Variants in WDR11 observed in about 807,000 individuals in gnomAD.
WDR11 encodes the protein WD repeat-containing protein 11.
Under a neutral mutation model 151.2 loss-of-function variants are expected in WDR11, and 83 were observed. The observed-to-expected ratio is 0.55, with a 90% confidence interval of 0.46 to 0.66. WDR11 has a LOEUF of 0.66. Among genes scored for constraint, WDR11 ranks in the 30% least tolerant of loss-of-function variants. WDR11 has a pLI of 0.00. For synonymous variants in WDR11, 484 were observed against 533.1 expected (o/e 0.91, Z 1.27); for missense variants, 1,301 against 1,480.9 (o/e 0.88, Z 1.99).
Position 120,859,214 on chromosome 10 carries a change from CTTGT to C in WDR11, c.352+424_352+427del, listed in dbSNP as rs1846047931. Among the ~76,000 whole-genome samples the C allele has an allele frequency of 2.7e-5, 4 of 150,236 alleles. No homozygotes were observed. The South Asian group carries it at 8.4e-4, about 32-fold the overall frequency. ...TTTATTCTCATTTTCATATAGATTG[CTTGT>C]TTGTTCGTTTCATGTTACTGACCTA... On this transcript the variant is annotated intron_variant, in intron 3 of 28. Coordinates refer to ENST00000263461, the MANE Select transcript of WDR11 (RefSeq NM_018117.12).
intron 1 of WDR11, chr10:120,851,859 T>G: frequency 2.6e-6 from 1 of 386,122 alleles, no homozygotes; most frequent in Non-Finnish European, 4.8e-6. Context: ...CTCTTTCCCA[T>G]CCTGTCTTTT....
At chr10:120,863,021 T>C (rs1031040590) in intron 5 of WDR11, 100 bp downstream of exon 5, 4 of 817,724 alleles carry the variant, frequency 4.9e-6, no homozygotes, top group Non-Finnish European at 8.0e-6. Flanking sequence ...CATCTCACTT[T>C]TTCTCATTTC....
At position 120,901,109 on chromosome 10, in the gene WDR11, C is replaced by T; in HGVS notation, c.2687+11C>T. 6.3e-7 allele frequency: 1 copy of T among 1,592,684 alleles called. No individual in the cohort carries two copies. The highest frequency in any genetic ancestry group is 2.2e-5 in the East Asian group (1 of 44,662). On this transcript the variant is annotated intron_variant, in intron 21 of 28. Transcript: ENST00000263461. Reference sequence around the variant, plus strand: ...GAATTCATTGTCTAAGTAAGCACTCCATGTTTCATTAGAAGATAGGAATAT... The same window carrying T: ...GAATTCATTGTCTAAGTAAGCACTCTATGTTTCATTAGAAGATAGGAATAT...
At chr10:120,853,587 A>T (rs1483716952) in intron 2 of WDR11, among the ~76,000 whole-genome samples, 1 of 152,132 alleles carries the variant, frequency 6.6e-6, no homozygotes, top group East Asian at 1.9e-4. Flanking sequence ...TTTGAGTAGG[A>T]GATTGATGTG....
rs1278370789 is a variant in WDR11 at position 120,909,473 on chromosome 10, CA to C, written c.*761del. On this transcript the variant is annotated 3_prime_UTR_variant, in exon 29 of 29. Transcript: ENST00000263461. ...AACTATTATAAACTGTTGCTGAAAACATAAATGTCTGTAACTTACAAACATG... is the reference window on the plus strand; with the variant it reads ...AACTATTATAAACTGTTGCTGAAAACTAAATGTCTGTAACTTACAAACATG... 6 of 152,746 alleles carry C rather than the reference CA, an allele frequency of 3.9e-5. No individual in the cohort carries two copies. Among genetic ancestry groups the C allele is most frequent in the Admixed American group, 6.5e-5 (1 of 15,302 alleles). The allele number at this position is 152,746 out of a possible 1,614,324, so 9.5% of individuals were successfully genotyped here. A position where few individuals can be genotyped will look rare whatever the true frequency, so the allele number is the denominator to read the frequency against.
intron 9 of WDR11, chr10:120,868,568 C>A (rs1590068745): frequency 6.6e-6 from 1 of 152,308 alleles, no homozygotes; most frequent in South Asian, 2.1e-4. Context: ...TACCTTGGTA[C>A]AGCTTTGCAA....
At chr10:120,887,356 A>G (rs1278841819) in intron 16 of WDR11, among the ~76,000 whole-genome samples, 5 of 152,224 alleles carry the variant, frequency 3.3e-5, no homozygotes, top group Non-Finnish European at 7.3e-5. Flanking sequence ...TTTTGCCATT[A>G]ATCATTTGTG....
chr10:120,861,539 C>G (rs1344587488), intron 4 of WDR11, among the ~76,000 whole-genome samples: 3 of 152,220 alleles, frequency 2.0e-5, no homozygotes, highest in South Asian at 2.1e-4. Context: ...GAAAAGGCAA[C>G]AAGGCTTTCA....
intron 14 of WDR11, among the ~76,000 whole-genome samples, chr10:120,885,310 C>CAT (rs1554857186): frequency 6.8e-6 from 1 of 147,440 alleles, no homozygotes; most frequent in Non-Finnish European, 1.5e-5. Context: ...CACACACACA[C>CAT]ATATAAACAC....
Position 120,904,654 on chromosome 10 carries a change from AG to A in WDR11, c.3037del (p.Ala1013LeufsTer20). On this transcript the variant is annotated frameshift_variant, in exon 25 of 29. Transcript: ENST00000263461. LOFTEE classifies it high-confidence loss of function. ...QLLLLGQTDR[A>X]VQLLLETSAD... ...ACCGTTTCTCTTACTAGACAGACAG[AG>A]CTGTGCAGTTGCTGTTGGAAACAAG... 1 of 1,614,204 alleles carries A rather than the reference AG, an allele frequency of 6.2e-7. No homozygotes were observed. The highest frequency in any genetic ancestry group is 8.5e-7 in the Non-Finnish European group (1 of 1,180,024).
intron 9 of WDR11, chr10:120,868,793 T>G (rs1377460954): frequency 6.6e-6 from 1 of 152,152 alleles, no homozygotes; most frequent in Non-Finnish European, 1.5e-5. Context: ...AGGCCTCAGT[T>G]TTTTCACGAT....
chr10:120,875,584 A>G (rs1661091872), intron 11 of WDR11, among the ~76,000 whole-genome samples: 1 of 152,174 alleles, frequency 6.6e-6, no homozygotes, highest in Non-Finnish European at 1.5e-5. Context: ...AGCTCACTAC[A>G]ATCTCCGCCT....
intron 4 of WDR11, among the ~76,000 whole-genome samples, chr10:120,860,633 CTG>C (rs1384843373): frequency 6.6e-6 from 1 of 152,196 alleles, no homozygotes; most frequent in Non-Finnish European, 1.5e-5. Context: ...TTCATTCAGT[CTG>C]TGGCCAAGTT....
At chr10:120,877,041 C>T (rs10886792) in intron 11 of WDR11, among the ~76,000 whole-genome samples, 47,208 of 152,104 alleles carry the variant, frequency 0.31, 7,629 homozygotes, top group East Asian at 0.42. Flanking sequence ...TTCACACATG[C>T]TTCTGAAAAA....
Position 120,908,371 on chromosome 10 carries a change from T to C in WDR11, c.3518-185T>C, listed in dbSNP as rs1199620700. 7 of 647,086 alleles carry C rather than the reference T, an allele frequency of 1.1e-5. No homozygotes were observed. In the Admixed American group the frequency reaches 1.6e-4, roughly 15 times the overall value. The allele number at this position is 647,086 out of a possible 1,614,324, so 40.1% of individuals were successfully genotyped here. A position where few individuals can be genotyped will look rare whatever the true frequency, so the allele number is the denominator to read the frequency against. On this transcript the variant is annotated intron_variant, in intron 28 of 28. Transcript: ENST00000263461. ...GTACAGACTGAGACATGGCCTACTA[T>C]GGCCGGGAATCACCCTCTGCCCGCG...
chr10:120,851,528 G>A, intron 1 of WDR11, 22 bp downstream of exon 1: 1 of 1,605,234 alleles, frequency 6.2e-7, no homozygotes, highest in African/African-American at 1.3e-5. Flanking sequence ...GAGCTTCCAG[G>A]TCGCCAGGAT....
intron 19 of WDR11, 163 bp from the exon 20 acceptor site, chr10:120,899,866 C>T: frequency 1.5e-6 from 1 of 645,434 alleles, no homozygotes; most frequent in Non-Finnish European, 2.8e-6. Flanking sequence ...TCTCTCTGCT[C>T]TTGGCTTGTG....
chr10:120,851,866 T>A, intron 1 of WDR11: 1 of 375,374 alleles, frequency 2.7e-6, no homozygotes, highest in Non-Finnish European at 5.0e-6. Context: ...CCATCCTGTC[T>A]TTTCTTTTTC....
intron 10 of WDR11, among the ~76,000 whole-genome samples, chr10:120,873,325 C>T (rs917662636): frequency 6.6e-6 from 1 of 152,170 alleles, no homozygotes; most frequent in Non-Finnish European, 1.5e-5. Context: ...AGGGCTTAAG[C>T]CCAGGTTTCT....
Sources: allele counts gnomAD v4.1 joint callset (sites outside exome capture counted in the v4.1 genomes callset), GRCh38; gene constraint gnomAD v4.1.1; transcripts MANE v1.5; gene names NCBI Gene and HGNC (gene_info 2026-07-23, HGNC 2026-07-21).